The following ATP2B3 variants were observed in gnomAD, a reference collection of about 807,000 sequenced individuals.
ATP2B3 encodes the protein ATPase plasma membrane Ca2+ transporting 3, also known as plasma membrane calcium-transporting ATPase 3.
A neutral mutation model predicts 70.8 loss-of-function variants in ATP2B3; 12 were observed. The observed-to-expected ratio is 0.17, with a 90% CI of 0.11 to 0.27. The LOEUF (loss-of-function observed/expected upper bound fraction) is 0.27, where lower values mean the gene tolerates loss of function less well. ATP2B3 is among the 10% of genes least tolerant of loss of function. ATP2B3 has a pLI of 1.00. For synonymous variants in ATP2B3, 460 were observed against 497.8 expected, an observed-to-expected ratio of 0.92 and a Z score of 1.01; for missense variants, 858 against 1,118.5, an observed-to-expected ratio of 0.77 and a Z score of 3.32.
At chrX:153,575,720 G>A (rs1350885183) in intron 21 of ATP2B3, among the ~76,000 whole-genome samples, 1 of 112,427 alleles carries the variant, frequency 8.9e-6, no homozygotes, top group African/African-American at 3.2e-5. Flanking sequence ...CCGAGAGGCT[G>A]TTAGCCGACA....
chrX:153,535,191 G>C (rs1401293035), intron 2 of ATP2B3, among the ~76,000 whole-genome samples: 2 of 113,106 alleles, frequency 1.8e-5, no homozygotes, highest in Non-Finnish European at 3.7e-5. Context: ...CCTTGGGTAA[G>C]GTGACGGGGA....
chrX:153,560,994 C>A, intron 19 of ATP2B3, 107 bp downstream of exon 19: 2 of 942,194 alleles, frequency 2.1e-6, no homozygotes, highest in South Asian at 4.6e-5. Context: ...CACCTCCACT[C>A]CCAGAAGGAG....
chrX:153,561,640 G>A (rs1258381917), intron 19 of ATP2B3, among the ~76,000 whole-genome samples: 2 of 112,036 alleles, frequency 1.8e-5, no homozygotes, highest in Non-Finnish European at 1.9e-5. Flanking sequence ...CAGGGCATAC[G>A]GGTGCTCCCT....
chrX:153,560,948 T>A lies in ATP2B3; in HGVS notation c.3051+61T>A, dbSNP rs1359829164. The A allele has an allele frequency of 6.0e-6, 7 of 1,159,771 alleles. No homozygotes were observed. In the African/African-American group the frequency reaches 1.3e-4, roughly 21 times the overall value. ...TTGCAAAAAGTGGAGGTGGTGGGCT[T>A]CAAGACCCCTCGTCCACCCCTAGTA... On this transcript the variant is annotated intron_variant, in intron 19 of 21. Transcript: ENST00000263519.
Position 153,541,666 on chromosome X carries a change from C to T in ATP2B3, c.407-3C>T. 8.3e-7 allele frequency: 1 copy of T among 1,210,299 alleles called. No individual in the cohort carries two copies. Among genetic ancestry groups the T allele is most frequent in the Non-Finnish European group, 1.1e-6 (1 of 894,597 alleles). ...CACTGCTTCCCTTCTGTCCTCCGCA[C>T]AGCCTGTGGGAATGTGTCGGGAGGC... On this transcript the variant is annotated splice_region_variant and splice_polypyrimidine_tract_variant and intron_variant, in intron 4 of 21. Coordinates refer to ENST00000263519, the MANE Select transcript of ATP2B3 (RefSeq NM_001001344.3).
intron 8 of ATP2B3, among the ~76,000 whole-genome samples, chrX:153,546,655 G>A (rs1557008841): frequency 8.8e-6 from 1 of 113,606 alleles, no homozygotes; most frequent in Non-Finnish European, 1.9e-5. Flanking sequence ...GCAGGAAGCA[G>A]GAGAAGGGGT....
intron 3 of ATP2B3, among the ~76,000 whole-genome samples, chrX:153,536,751 A>C (rs1434680468): frequency 4.4e-5 from 5 of 112,450 alleles, no homozygotes; most frequent in African/African-American, 1.6e-4. Context: ...CCTTCCGAGG[A>C]ACAGGGCAGG....
chrX:153,556,696 A>G (rs61317201), intron 15 of ATP2B3, among the ~76,000 whole-genome samples: 299 of 112,427 alleles, frequency 2.7e-3, no homozygotes, highest in African/African-American at 9.5e-3. Flanking sequence ...CCAGATCCCT[A>G]TCCTCCCACC....
chrX:153,553,881 A>C (rs948259894), intron 13 of ATP2B3, among the ~76,000 whole-genome samples: 19 of 113,071 alleles, frequency 1.7e-4, no homozygotes, highest in Non-Finnish European at 1.3e-4. Context: ...GGGAGAATGC[A>C]AGGCATGGGG....
intron 21 of ATP2B3, 92 bp from the exon 22 acceptor site, chrX:153,579,886 T>C: frequency 1.2e-6 from 1 of 847,525 alleles, no homozygotes; most frequent in Non-Finnish European, 1.7e-6. Flanking sequence ...CTTCCTTCCT[T>C]CCTACCTTCC....
rs372665846 is a variant in ATP2B3, at chrX:153,580,372, A to G, written c.*74A>G. 6 of 996,687 alleles carry G rather than the reference A, an allele frequency of 6.0e-6. No homozygotes were observed. The highest frequency in any genetic ancestry group is 8.3e-6 in the Non-Finnish European group (6 of 726,998). 82.1% of individuals were successfully genotyped at this position (996,687 alleles called of 1,213,427 possible). A position where few individuals can be genotyped will look rare whatever the true frequency, so the allele number is the denominator to read the frequency against. ...AAGTCACACGCACACATGCACGCAC[A>G]CACACATATGGGGACCTGCACACCT... On this transcript the variant is annotated 3_prime_UTR_variant, in exon 22 of 22. Coordinates refer to ENST00000263519, the MANE Select transcript of ATP2B3 (RefSeq NM_001001344.3).
Position 153,569,713 on chromosome X carries a change from T to C in ATP2B3, c.3342+4610T>C, listed in dbSNP as rs782616045. ...ACGTAACCAATCTTTCTACCCCTAC[T>C]CACGCAATTCTCTCTGCTGCCAATC... On this transcript the variant is annotated intron_variant, in intron 21 of 21. Coordinates refer to ENST00000263519, the MANE Select transcript of ATP2B3 (RefSeq NM_001001344.3). The C allele has an allele frequency of 3.7e-4, 448 of 1,209,408 alleles. No homozygotes were observed. Among genetic ancestry groups the C allele is most frequent in the Non-Finnish European group, 4.9e-4 (436 of 894,962 alleles).
At chrX:153,542,066 C>T (rs1341970448) in intron 5 of ATP2B3, 140 bp downstream of exon 5, 3 of 81,717 alleles carry the variant, frequency 3.7e-5, no homozygotes, top group African/African-American at 4.2e-4. Context: ...CGGGAGGTGG[C>T]GGGGGTGGGG....
Position 153,572,215 on chromosome X carries a change from C to T in ATP2B3, c.3342+7112C>T, listed in dbSNP as rs901460651. ...ATGAGAGATGCTCTGAAGGCTGTGA[C>T]GGAGCTCCCCTAGACAAGAGGGCTG... is the stretch of plus-strand genomic sequence containing the variant. On this transcript the variant is annotated intron_variant, in intron 21 of 21. Coordinates refer to ENST00000263519, the MANE Select transcript of ATP2B3 (RefSeq NM_001001344.3). Among the ~76,000 whole-genome samples, 6 of 112,734 alleles carry T rather than the reference C, an allele frequency of 5.3e-5. No homozygotes were observed. The South Asian group carries it at 1.8e-3, about 34-fold the overall frequency.
intron 2 of ATP2B3, among the ~76,000 whole-genome samples, chrX:153,529,019 A>G (rs1172613362): frequency 8.9e-6 from 1 of 112,617 alleles, no homozygotes; most frequent in Non-Finnish European, 1.9e-5. Flanking sequence ...GAGAGTAGCT[A>G]GCAAGTTTCT....
intron 3 of ATP2B3, among the ~76,000 whole-genome samples, chrX:153,539,482 G>A (rs1441415093): frequency 8.8e-6 from 1 of 113,264 alleles, no homozygotes; most frequent in Non-Finnish European, 1.9e-5. Flanking sequence ...CCCCTCCTCA[G>A]AAGCCCCAAG....
At position 153,548,874 on chromosome X, in the gene ATP2B3, T is replaced by A; in HGVS notation, c.1338+20T>A. On this transcript the variant is annotated intron_variant, in intron 10 of 21. Transcript: ENST00000263519. ...GTCAAGGTAATCATAAAACTTACAGTTGATACTGTTTACAGACTCGGAAAC... is the reference window on the plus strand; with the variant it reads ...GTCAAGGTAATCATAAAACTTACAGATGATACTGTTTACAGACTCGGAAAC... The A allele has an allele frequency of 8.4e-7, 1 of 1,192,560 alleles. No individual in the cohort carries two copies. The highest frequency in any genetic ancestry group is 1.1e-6 in the Non-Finnish European group (1 of 879,641).
intron 21 of ATP2B3, chrX:153,574,825 T>C (rs1569536128): frequency 3.0e-6 from 1 of 331,042 alleles, no homozygotes; most frequent in Non-Finnish European, 5.9e-6. Context: ...TGGCCGGCAG[T>C]GGCATCGCAC....
chrX:153,572,757 C>T (rs942837994), intron 21 of ATP2B3, among the ~76,000 whole-genome samples: 5 of 111,785 alleles, frequency 4.5e-5, no homozygotes, highest in African/African-American at 1.6e-4. Flanking sequence ...CAACCACACA[C>T]TCACACACCG....
Sources: gnomAD v4.1 joint callset for allele counts (sites outside exome capture counted in the v4.1 genomes callset) on GRCh38, gnomAD v4.1.1 for gene constraint, MANE v1.5 for transcripts, NCBI Gene and HGNC (gene_info 2026-07-23, HGNC 2026-07-21) for gene names.